Variants in SLC66A3 observed in about 807,000 individuals in gnomAD.
SLC66A3 encodes PQ loop repeat containing 3.
A neutral mutation model predicts 25.5 loss-of-function variants in SLC66A3; 23 were observed. The ratio of observed to expected loss-of-function variants is 0.90; its 90% CI spans 0.65 to 1.28. The LOEUF is 1.28. Ranked by LOEUF, SLC66A3 falls within the 50% of genes most tolerant of loss-of-function variation. The pLI is 0.00. For missense variants in SLC66A3, 246 were observed against 262.1 expected (o/e 0.94, Z 0.42); for synonymous variants, 108 against 112.6 (o/e 0.96, Z 0.26).
intron 3 of SLC66A3, among the ~76,000 whole-genome samples, chr2:11,162,343 T>G (rs889173882): frequency 3.3e-5 from 5 of 152,212 alleles, no homozygotes; most frequent in African/African-American, 1.2e-4. Context: ...CAGTCCCAGC[T>G]GGTTAAAGGT....
chr2:11,165,752 A>G (rs940504959), intron 4 of SLC66A3, among the ~76,000 whole-genome samples: 10 of 152,238 alleles, frequency 6.6e-5, no homozygotes, highest in Non-Finnish European at 1.2e-4. Flanking sequence ...ACGAGACTCC[A>G]TCTGCAATCC....
In SLC66A3 at chr2:11,155,597, C is replaced by T. The variant is rs1661861538; in HGVS notation, c.51C>T (p.Cys17=). ...GLCNWSTLGV[C]AALKLPQISA... ...GTAACTGGAGCACGCTGGGCGTGTG[C>T]GCCGCGCTGAAGCTGCCGCAGATCT... Residue 17 remains cysteine (C), a synonymous_variant, in exon 1 of 7, where the codon TGC becomes TGT. Transcript: ENST00000295083. 1 of 1,518,142 alleles carries T rather than the reference C, an allele frequency of 6.6e-7. No individual in the cohort carries two copies. Among genetic ancestry groups the T allele is most frequent in the Non-Finnish European group, 8.7e-7 (1 of 1,142,976 alleles). 94.0% of individuals were successfully genotyped at this position (1,518,142 alleles called of 1,614,324 possible).
At chr2:11,174,928 G>A (rs746450681) in intron 5 of SLC66A3, 40 bp from the exon 6 acceptor site, 24 of 1,540,040 alleles carry the variant, frequency 1.6e-5, no homozygotes, top group Admixed American at 1.0e-4. Context: ...CAAAATGTCC[G>A]AGAGGCAAGT....
intron 5 of SLC66A3, among the ~76,000 whole-genome samples, chr2:11,173,077 G>T (rs1662611010): frequency 6.6e-6 from 1 of 152,148 alleles, no homozygotes; most frequent in Non-Finnish European, 1.5e-5. Flanking sequence ...TGGCCAGGCT[G>T]GTTTTGAACT....
rs1278671534 is a variant in SLC66A3, at chr2:11,164,322, G to GAGATATATATATATATATATATAT, written c.354+62_354+63insGATATATATATATATATATATATA. 9.2e-6 allele frequency: 3 copies of GAGATATATATATATATATATATAT among 327,040 alleles called. No homozygotes were observed. The African/African-American group carries it at 1.0e-4, about 11-fold the overall frequency. The allele number at this position is 327,040 out of a possible 1,614,324, so 20.3% of individuals were successfully genotyped here. A position where few individuals can be genotyped will look rare whatever the true frequency, so the allele number is the denominator to read the frequency against. On this transcript the variant is annotated intron_variant, in intron 4 of 6. Coordinates refer to ENST00000295083, the MANE Select transcript of SLC66A3 (RefSeq NM_152391.5). The stretch of plus-strand genomic sequence containing the variant: ...AAGCTACCTTGGAGAGAACTTGATA[G>GAGATATATATATATATATATATAT]ATATTTATATATATATATATATATT...
intron 3 of SLC66A3, among the ~76,000 whole-genome samples, chr2:11,162,072 A>C (rs776105996): frequency 6.6e-6 from 1 of 152,208 alleles, no homozygotes; most frequent in Non-Finnish European, 1.5e-5. Flanking sequence ...CCCATCTGTG[A>C]CATGGGATCA....
At chr2:11,168,871 C>G (rs1410196539) in intron 4 of SLC66A3, among the ~76,000 whole-genome samples, 1 of 150,406 alleles carries the variant, frequency 6.6e-6, no homozygotes, top group African/African-American at 2.4e-5. Context: ...TTTTTTTTTT[C>G]TTGTGAGACA....
At chr2:11,174,393 C>T (rs1019979866) in intron 5 of SLC66A3, among the ~76,000 whole-genome samples, 4 of 152,162 alleles carry the variant, frequency 2.6e-5, no homozygotes, top group East Asian at 1.9e-4. Flanking sequence ...TCAGTCTCTC[C>T]GGCCTTCCGC....
chr2:11,168,108 G>C (rs555617859), intron 4 of SLC66A3, among the ~76,000 whole-genome samples: 1 of 151,966 alleles, frequency 6.6e-6, no homozygotes, highest in Non-Finnish European at 1.5e-5. Context: ...GTGAAACCTC[G>C]TCTCTACTAA....
chr2:11,168,745 G>T (rs1013151748), intron 4 of SLC66A3, among the ~76,000 whole-genome samples: 4 of 152,012 alleles, frequency 2.6e-5, no homozygotes, highest in Admixed American at 1.3e-4. Context: ...GCCATCCTCC[G>T]AGCATCTGCA....
intron 5 of SLC66A3, 67 bp from the exon 6 acceptor site, chr2:11,174,901 C>A: frequency 1.9e-6 from 2 of 1,048,170 alleles, no homozygotes; most frequent in East Asian, 2.4e-5. Context: ...AAGGGAAAGA[C>A]ATTATTAGCT....
chr2:11,159,392 GA>G lies in SLC66A3; in HGVS notation c.144-1073del, dbSNP rs1457914283. 3.3e-5 allele frequency among the ~76,000 whole-genome samples: 5 copies of G among 152,282 alleles called. No homozygotes were observed. In the East Asian group the frequency reaches 9.7e-4, roughly 29 times the overall value. On this transcript the variant is annotated intron_variant, in intron 1 of 6. Transcript: ENST00000295083. ...AGGTGGCTCAGCTGCACAGCACCCG[GA>G]GGGCCTGCAGGCAGCTGGGGGTGGG...
At chr2:11,174,671 A>G (rs1032276994) in intron 5 of SLC66A3, among the ~76,000 whole-genome samples, 3 of 151,516 alleles carry the variant, frequency 2.0e-5, no homozygotes, top group South Asian at 4.2e-4. Flanking sequence ...TAATTTTTGT[A>G]TTTTCAGTAG....
Position 11,160,251 on chromosome 2 carries a change from G to GC in SLC66A3, c.144-212dup, listed in dbSNP as rs1167214750. 41 of 611,108 alleles carry GC rather than the reference G, an allele frequency of 6.7e-5. No homozygotes were observed. In the African/African-American group the frequency reaches 7.2e-4, roughly 11 times the overall value. 37.9% of individuals were successfully genotyped at this position (611,108 alleles called of 1,614,324 possible). ...TAGAGATCGTGGGTATTGCACTGTG[G>GC]CCCGGTGCCCAGTAAGTTCTGGATG... On this transcript the variant is annotated intron_variant, in intron 1 of 6. Transcript: ENST00000295083.
intron 4 of SLC66A3, among the ~76,000 whole-genome samples, chr2:11,170,836 G>A (rs961993868): frequency 2.0e-5 from 3 of 151,620 alleles, no homozygotes; most frequent in Non-Finnish European, 2.9e-5. Context: ...TGATTCGTCC[G>A]CCTCAGCCTC....
intron 1 of SLC66A3, among the ~76,000 whole-genome samples, chr2:11,160,104 G>T (rs887164661): frequency 6.6e-6 from 1 of 152,212 alleles, no homozygotes; most frequent in African/African-American, 2.4e-5. Context: ...GCCGGGGTCA[G>T]TGGGAGCCCA....
Position 11,155,627 on chromosome 2 carries a change from T to G in SLC66A3, c.81T>G (p.Ala27=), listed in dbSNP as rs1228808873. ...CGCTGAAGCTGCCGCAGATCTCCGC[T>G]GTGCTAGCGGCGCGCAGCGCGCGGG... The part of the protein sequence containing the change: ...CAALKLPQIS[A]VLAARSARGL... The change falls in exon 1 of 7, where the codon GCT becomes GCG. Residue 27 remains alanine, a synonymous_variant. Transcript: ENST00000295083. The G allele has an allele frequency of 1.3e-6, 2 of 1,529,162 alleles. No homozygotes were observed. The highest frequency in any genetic ancestry group is 8.7e-7 in the Non-Finnish European group (1 of 1,149,398). The allele number at this position is 1,529,162 out of a possible 1,614,324, so 94.7% of individuals were successfully genotyped here. A position where few individuals can be genotyped will look rare whatever the true frequency, so the allele number is the denominator to read the frequency against.
chr2:11,170,463 G>A (rs1307585301), intron 4 of SLC66A3, among the ~76,000 whole-genome samples: 1 of 152,142 alleles, frequency 6.6e-6, no homozygotes, highest in South Asian at 2.1e-4. Flanking sequence ...AGGCCTGAGC[G>A]CACCACCACA....
chr2:11,175,664 C>CTA (rs148872428), intron 6 of SLC66A3, among the ~76,000 whole-genome samples: 2 of 152,202 alleles, frequency 1.3e-5, no homozygotes, highest in African/African-American at 2.4e-5. Flanking sequence ...CACCAATGGA[C>CTA]TATGTTTTTG....
Sources: gnomAD v4.1 joint callset for allele counts (sites outside exome capture counted in the v4.1 genomes callset) on GRCh38, gnomAD v4.1.1 for gene constraint, MANE v1.5 for transcripts, NCBI Gene and HGNC (gene_info 2026-07-23, HGNC 2026-07-21) for gene names.